The following DCC variants were observed in gnomAD, a reference collection of about 807,000 sequenced individuals.
DCC encodes the protein netrin receptor DCC.
In DCC, 58 loss-of-function variants were observed where a neutral mutation model predicts 172.5. The ratio of observed to expected loss-of-function variants is 0.34; its 90% CI spans 0.27 to 0.42. The LOEUF is 0.42. Ranked by LOEUF, DCC falls within the 10% of genes least tolerant of loss-of-function variation. DCC has a pLI of 1.00. For missense variants in DCC, 1,740 were observed against 1,791.0 expected, an observed-to-expected ratio of 0.97 and a Z score of 0.51; for synonymous variants, 709 against 644.5, an observed-to-expected ratio of 1.10 and a Z score of -1.52.
chr18:52,382,357 AC>A (rs1985621783), intron 1 of DCC, among the ~76,000 whole-genome samples: 3 of 152,082 alleles, frequency 2.0e-5, no homozygotes, highest in Admixed American at 2.0e-4. Context: ...AGCTATATTA[AC>A]CACAACTACA....
At chr18:52,870,801 A>G (rs1016988867) in intron 2 of DCC, among the ~76,000 whole-genome samples, 4 of 150,486 alleles carry the variant, frequency 2.7e-5, no homozygotes, top group Non-Finnish European at 5.9e-5. Context: ...CCACCAAACT[A>G]TCTTGGAAAA....
At chr18:53,045,401 T>A (rs553998385) in intron 5 of DCC, among the ~76,000 whole-genome samples, 2 of 151,852 alleles carry the variant, frequency 1.3e-5, no homozygotes, top group Non-Finnish European at 2.9e-5. Flanking sequence ...AAGTGTTTCC[T>A]TGAGGCTTGA....
chr18:53,341,440 C>T (rs2057658412), intron 15 of DCC, among the ~76,000 whole-genome samples: 1 of 152,054 alleles, frequency 6.6e-6, no homozygotes, highest in Non-Finnish European at 1.5e-5. Flanking sequence ...ACAAGAAAAA[C>T]AGAAAACTCT....
chr18:53,333,353 C>T (rs984406088), intron 14 of DCC, among the ~76,000 whole-genome samples: 1 of 152,156 alleles, frequency 6.6e-6, no homozygotes, highest in African/African-American at 2.4e-5. Flanking sequence ...GAAATATAGG[C>T]TATTGAGGAC....
At chr18:53,357,375 A>T (rs2057889187) in intron 15 of DCC, among the ~76,000 whole-genome samples, 1 of 152,190 alleles carries the variant, frequency 6.6e-6, no homozygotes, top group Admixed American at 6.5e-5. Flanking sequence ...AATGTAAATT[A>T]CAATGTTAAC....
intron 5 of DCC, among the ~76,000 whole-genome samples, chr18:52,956,209 T>A (rs371303486): frequency 6.6e-6 from 1 of 152,050 alleles, no homozygotes; most frequent in East Asian, 1.9e-4. Context: ...TAAATTTAGA[T>A]CTATGATCTA....
intron 1 of DCC, among the ~76,000 whole-genome samples, chr18:52,509,539 T>G (rs1035148746): frequency 6.6e-6 from 1 of 152,190 alleles, no homozygotes. Context: ...ATTCCCTTTA[T>G]GAGATGAATG....
At chr18:53,224,877 T>TTC (rs1024106296) in intron 12 of DCC, among the ~76,000 whole-genome samples, 7 of 152,172 alleles carry the variant, frequency 4.6e-5, no homozygotes, top group African/African-American at 1.7e-4. Context: ...GACAAGTTGG[T>TTC]ATATGATAAT....
intron 1 of DCC, among the ~76,000 whole-genome samples, chr18:52,347,822 CTAGT>C (rs1373906578): frequency 6.6e-6 from 1 of 152,072 alleles, no homozygotes; most frequent in Non-Finnish European, 1.5e-5. Flanking sequence ...TAGATCAACT[CTAGT>C]TATTAGTTTC....
rs1911184536 is a variant in DCC, at chr18:53,428,226, A to G, written c.3164-6918A>G. ...ATTATATATAAGTATATATAATTAT[A>G]ATTATATATATAATTAATTATATAT... On this transcript the variant is annotated intron_variant, in intron 21 of 28. Transcript: ENST00000442544. Among the ~76,000 whole-genome samples the G allele has an allele frequency of 4.3e-5, 2 of 46,362 alleles. 1 individual carries two copies. The highest frequency in any genetic ancestry group is 9.7e-5 in the Non-Finnish European group (2 of 20,542). 30.4% of individuals were successfully genotyped at this position (46,362 alleles called of 152,430 possible). A position where few individuals can be genotyped will look rare whatever the true frequency, so the allele number is the denominator to read the frequency against.
chr18:52,569,962 T>C (rs1469424651), intron 1 of DCC, among the ~76,000 whole-genome samples: 1 of 152,122 alleles, frequency 6.6e-6, no homozygotes, highest in Non-Finnish European at 1.5e-5. Flanking sequence ...CGTAGTTGAA[T>C]TCAAAGAAGA....
intron 27 of DCC, among the ~76,000 whole-genome samples, chr18:53,511,510 G>A (rs929346655): frequency 2.0e-5 from 3 of 152,224 alleles, no homozygotes; most frequent in African/African-American, 4.8e-5. Context: ...CGTGAGAGAC[G>A]CAGAAGACGG....
chr18:52,505,059 C>G (rs1015439581), intron 1 of DCC, among the ~76,000 whole-genome samples: 3 of 152,146 alleles, frequency 2.0e-5, no homozygotes, highest in Non-Finnish European at 4.4e-5. Flanking sequence ...AGAGTTTTTA[C>G]AGAGCACCTA....
chr18:52,667,783 G>GAAAC, intron 1 of DCC, among the ~76,000 whole-genome samples: 1 of 152,136 alleles, frequency 6.6e-6, no homozygotes, highest in Non-Finnish European at 1.5e-5. Context: ...AAGAAAGAAA[G>GAAAC]TAAAAGAAAT....
At chr18:53,187,577 C>T (rs545043469) in intron 9 of DCC, among the ~76,000 whole-genome samples, 1 of 152,228 alleles carries the variant, frequency 6.6e-6, no homozygotes, top group East Asian at 1.9e-4. Flanking sequence ...TAACACTCCA[C>T]CAAAATTAAG....
chr18:52,413,284 A>G (rs1250158449), intron 1 of DCC, among the ~76,000 whole-genome samples: 1 of 151,160 alleles, frequency 6.6e-6, no homozygotes. Flanking sequence ...TAAAAGCCTA[A>G]CTATACTAGA....
chr18:53,510,199 C>G (rs756582503), intron 27 of DCC, among the ~76,000 whole-genome samples: 14 of 152,124 alleles, frequency 9.2e-5, no homozygotes, highest in Non-Finnish European at 1.6e-4. Context: ...GCACTTCCTG[C>G]AGAGACTTAA....
chr18:52,898,377 G>A (rs1456729883), intron 2 of DCC, among the ~76,000 whole-genome samples: 7 of 152,224 alleles, frequency 4.6e-5, no homozygotes, highest in Non-Finnish European at 1.0e-4. Context: ...TTCTGGGGGT[G>A]TGTGGGTGGA....
intron 12 of DCC, among the ~76,000 whole-genome samples, chr18:53,273,732 C>CA (rs2056773974): frequency 6.9e-6 from 1 of 144,988 alleles, no homozygotes; most frequent in Non-Finnish European, 1.5e-5. Context: ...CTTTCTGCTG[C>CA]TTTTTTTTTT....
Sources: allele counts gnomAD v4.1 joint callset (sites outside exome capture counted in the v4.1 genomes callset), GRCh38; gene constraint gnomAD v4.1.1; transcripts MANE v1.5; gene names NCBI Gene and HGNC (gene_info 2026-07-23, HGNC 2026-07-21).